Variants in PTP4A3 observed in about 807,000 individuals in gnomAD.
PTP4A3 encodes the protein protein tyrosine phosphatase 4A3.
A neutral mutation model predicts 15.2 loss-of-function variants in PTP4A3; 9 were observed. That is an observed-to-expected ratio of 0.59 (90% confidence interval 0.36 to 1.03). The LOEUF is 1.03. Among genes scored for constraint, PTP4A3 ranks in the 50% least tolerant of loss-of-function variants. The probability of loss-of-function intolerance (pLI) is 0.02; values close to 1 mark genes in which losing one functional copy is unlikely to be tolerated. For missense variants in PTP4A3, 234 were observed against 252.1 expected (o/e 0.93, Z 0.49); for synonymous variants, 95 against 102.0 (o/e 0.93, Z 0.41).
In PTP4A3 at chr8:141,425,196, C is replaced by CGGGGGGGTGGGGGGGGGG; in HGVS notation, c.198+62_198+63insGTGGGGGGGGGGGGGGGG. On this transcript the variant is annotated intron_variant, in intron 3 of 5. Transcript: ENST00000521578. The surrounding 1 kb of genome is among the most constrained non-coding windows in gnomAD (Gnocchi z 4.2). ...CTGCTGCCACCGGGGGAGGGTGGGGCGGGGGGCTCCGGGCCTGCGCAGAGG... is the reference window on the plus strand; with the variant it reads ...CTGCTGCCACCGGGGGAGGGTGGGGCGGGGGGGTGGGGGGGGGGGGGGGGCTCCGGGCCTGCGCAGAGG... The CGGGGGGGTGGGGGGGGGG allele has an allele frequency of 2.8e-6, 1 of 361,482 alleles. No homozygotes were observed. The allele number at this position is 361,482 out of a possible 1,614,324, so 22.4% of individuals were successfully genotyped here. A position where few individuals can be genotyped will look rare whatever the true frequency, so the allele number is the denominator to read the frequency against.
Position 141,427,359 on chromosome 8 carries a change from C to T in PTP4A3, c.329+290C>T, listed in dbSNP as rs566329738. On this transcript the variant is annotated intron_variant, in intron 4 of 5. Transcript: ENST00000521578. ...CCAGACACAAAGATCCCCCCACACA[C>T]AGCTGGGGCCTCAGACTCCCTGCTG... 4.6e-4 allele frequency among the ~76,000 whole-genome samples: 70 copies of T among 152,350 alleles called. 1 individual carries two copies. The highest frequency in any genetic ancestry group is 1.8e-3 in the Admixed American group (27 of 15,306).
Position 141,422,277 on chromosome 8 carries a change from A to G in PTP4A3, c.37A>G (p.Ser13Gly), listed in dbSNP as rs1475393917. The G allele has an allele frequency of 6.2e-7, 1 of 1,613,164 alleles. No individual in the cohort carries two copies. The highest frequency in any genetic ancestry group is 2.2e-5 in the East Asian group (1 of 44,878). Residue 13 changes from serine (S) to glycine (G), a missense_variant, in exon 2 of 6, where the codon AGC (serine) becomes GGC (glycine). Ser to Gly is a moderately conservative substitution (Grantham distance 56). Coordinates refer to ENST00000521578, the MANE Select transcript of PTP4A3 (RefSeq NM_032611.3). The part of the protein sequence containing the change: ...RMNRPAPVEV[S>G]YKHMRFLITH... The stretch of plus-strand genomic sequence containing the variant: ...GAACCGCCCGGCCCCGGTGGAGGTG[A>G]GCTACAAACACATGCGCTTCCTCAT...
At chr8:141,424,911 G>C (rs1192783401) in intron 2 of PTP4A3, 137 bp from the exon 3 acceptor site, 1 of 709,310 alleles carries the variant, frequency 1.4e-6, no homozygotes, top group Non-Finnish European at 2.4e-6. Context: ...CACCCCGAGA[G>C]GTCTGAGGGG....
intron 1 of PTP4A3, among the ~76,000 whole-genome samples, chr8:141,400,044 A>G (rs1832549111): frequency 1.3e-5 from 2 of 152,206 alleles, no homozygotes; most frequent in African/African-American, 4.8e-5. Context: ...AGTAGCTGGG[A>G]CCACAGGCAT....
chr8:141,394,745 C>G (rs1832395417), intron 1 of PTP4A3, among the ~76,000 whole-genome samples: 1 of 152,256 alleles, frequency 6.6e-6, no homozygotes, highest in Non-Finnish European at 1.5e-5. Flanking sequence ...TCGCAGGACC[C>G]ATAGGCAGGG....
rs764373376 is a variant in PTP4A3, at chr8:141,431,754, C to T, written c.*710C>T. On this transcript the variant is annotated 3_prime_UTR_variant, in exon 6 of 6. Coordinates refer to ENST00000521578, the MANE Select transcript of PTP4A3 (RefSeq NM_032611.3). ...GCCTTGGCCAGGGTGGCCGTGTTGA[C>T]GGTTCTTGGGACTGTGACATTGGAA... The T allele has an allele frequency of 2.6e-5, 4 of 152,564 alleles. No individual in the cohort carries two copies. Among genetic ancestry groups the T allele is most frequent in the African/African-American group, 4.8e-5 (2 of 41,470 alleles). 9.5% of individuals were successfully genotyped at this position (152,564 alleles called of 1,614,324 possible).
At chr8:141,427,673 C>A in intron 4 of PTP4A3, 77 bp from the exon 5 acceptor site, 2 of 1,315,290 alleles carry the variant, frequency 1.5e-6, no homozygotes, top group Non-Finnish European at 2.1e-6. Context: ...CCGTGCCCTG[C>A]ATCTTCAGCA....
At chr8:141,393,393 G>A (rs1312493900) in intron 1 of PTP4A3, among the ~76,000 whole-genome samples, 2 of 152,232 alleles carry the variant, frequency 1.3e-5, no homozygotes, top group African/African-American at 4.8e-5. Flanking sequence ...TACGAAGGAG[G>A]AGAAGCTGCC....
chr8:141,422,666 C>T (rs544799470), intron 2 of PTP4A3, among the ~76,000 whole-genome samples: 6 of 152,282 alleles, frequency 3.9e-5, no homozygotes, highest in South Asian at 2.1e-4. Context: ...CCAGGCTGTG[C>T]GTGCTCAGCC....
intron 1 of PTP4A3, among the ~76,000 whole-genome samples, chr8:141,393,781 A>G (rs1832364432): frequency 6.6e-6 from 1 of 152,344 alleles, no homozygotes; most frequent in East Asian, 1.9e-4. Flanking sequence ...TGATGCAGTC[A>G]GGCACTGGAC....
intron 1 of PTP4A3, among the ~76,000 whole-genome samples, chr8:141,394,421 C>T (rs539409331): frequency 3.4e-4 from 52 of 152,282 alleles, no homozygotes; most frequent in African/African-American, 1.2e-3. Context: ...TTTCTCACCT[C>T]GAGAGCACCG....
intron 1 of PTP4A3, among the ~76,000 whole-genome samples, chr8:141,395,411 G>A (rs549360145): frequency 4.6e-5 from 7 of 152,340 alleles, no homozygotes; most frequent in African/African-American, 1.7e-4. Flanking sequence ...GTCTTGGGCT[G>A]CTTTAGTGGC....
rs2130167692 is a variant in PTP4A3, at chr8:141,422,272, A to G, written c.32A>G (p.Glu11Gly). ...CGGATGAACCGCCCGGCCCCGGTGG[A>G]GGTGAGCTACAAACACATGCGCTTC... MARMNRPAPV[E>G]VSYKHMRFLI... Residue 11 changes from glutamate to glycine, a missense_variant, in exon 2 of 6, where the codon GAG (glutamate) becomes GGG (glycine). Physicochemically the swap from Glu to Gly is moderately conservative, Grantham distance 98. Coordinates refer to ENST00000521578, the MANE Select transcript of PTP4A3 (RefSeq NM_032611.3). The G allele has an allele frequency of 6.2e-7, 1 of 1,613,038 alleles. No homozygotes were observed. The highest frequency in any genetic ancestry group is 8.5e-7 in the Non-Finnish European group (1 of 1,179,982).
chr8:141,416,876 C>T (rs1833074441), intron 1 of PTP4A3, among the ~76,000 whole-genome samples: 1 of 152,040 alleles, frequency 6.6e-6, no homozygotes, highest in Admixed American at 6.5e-5. Flanking sequence ...GTCGTGCTCT[C>T]AGCTGGGCCC....
intron 5 of PTP4A3, 45 bp from the exon 6 acceptor site, chr8:141,430,882 A>T: frequency 6.3e-7 from 1 of 1,597,006 alleles, no homozygotes; most frequent in Non-Finnish European, 8.6e-7. Context: ...GAGATGGCCG[A>T]GCCAGGTCCT....
intron 1 of PTP4A3, among the ~76,000 whole-genome samples, chr8:141,409,518 G>C (rs1832813969): frequency 6.6e-6 from 1 of 152,216 alleles, no homozygotes; most frequent in African/African-American, 2.4e-5. Context: ...GAGCCCCTGA[G>C]GGGCTGTGCA....
chr8:141,416,526 C>T (rs899469778), intron 1 of PTP4A3, among the ~76,000 whole-genome samples: 2 of 152,110 alleles, frequency 1.3e-5, no homozygotes, highest in Admixed American at 6.5e-5. Context: ...TTCAGGGAGA[C>T]GCTGCTGGAA....
intron 1 of PTP4A3, among the ~76,000 whole-genome samples, chr8:141,411,015 CA>C (rs1039321819): frequency 6.6e-6 from 1 of 152,172 alleles, no homozygotes; most frequent in African/African-American, 2.4e-5. Flanking sequence ...GAGCCTGAGT[CA>C]GTGCTGGCAG....
At chr8:141,426,830 G>A (rs1833596237) in intron 3 of PTP4A3, 109 bp from the exon 4 acceptor site, 2 of 1,480,196 alleles carry the variant, frequency 1.4e-6, no homozygotes, top group South Asian at 2.6e-5. Flanking sequence ...CACCCTAGTG[G>A]GCTCCTGGCA....
Sources: gnomAD v4.1 joint callset for allele counts (sites outside exome capture counted in the v4.1 genomes callset) on GRCh38, gnomAD v4.1.1 for gene constraint, Gnocchi (gnomAD v3.1) non-coding constraint, MANE v1.5 for transcripts, NCBI Gene and HGNC (gene_info 2026-07-23, HGNC 2026-07-21) for gene names.